The following CCDC40 variants were observed in gnomAD, a reference collection of about 807,000 sequenced individuals.
CCDC40 encodes coiled-coil domain 40 molecular ruler complex subunit.
Under a neutral mutation model 124.5 loss-of-function variants are expected in CCDC40, and 104 were observed. That is an observed-to-expected ratio of 0.84 (90% CI 0.71 to 0.98). The LOEUF (loss-of-function observed/expected upper bound fraction) is 0.98. Among genes scored for constraint, CCDC40 ranks in the 50% least tolerant of loss-of-function variants. The probability of loss-of-function intolerance (pLI) is 0.00; values close to 1 mark genes in which losing one functional copy is unlikely to be tolerated. For missense variants in CCDC40, 1,463 were observed against 1,503.9 expected, an observed-to-expected ratio of 0.97 and a Z score of 0.45; for synonymous variants, 580 against 602.9, an observed-to-expected ratio of 0.96 and a Z score of 0.56.
At chr17:80,085,708 A>G (rs1410367861) in intron 13 of CCDC40, among the ~76,000 whole-genome samples, 2 of 126,518 alleles carry the variant, frequency 1.6e-5, no homozygotes, top group African/African-American at 6.2e-5. Flanking sequence ...GTCTTGCTCT[A>G]TTGCCCAGGC....
In CCDC40 at chr17:80,086,331, A is replaced by G; in HGVS notation, c.2449+115A>G. On this transcript the variant is annotated intron_variant, in intron 14 of 19. Transcript: ENST00000397545. This position sits in a 1 kb window ranked among gnomAD's most constrained non-coding sequence, Gnocchi z 5.5. ...CGTCGCTGGATTTGCACGCAGCCTT[A>G]AAAGCAAATAACAAACGCGCATGCT... The G allele has an allele frequency of 1.2e-6, 1 of 827,668 alleles. No individual in the cohort carries two copies. Among genetic ancestry groups the G allele is most frequent in the Non-Finnish European group, 2.0e-6 (1 of 497,692 alleles). The allele number at this position is 827,668 out of a possible 1,614,324, so 51.3% of individuals were successfully genotyped here.
Position 80,066,429 on chromosome 17 carries a change from C to A in CCDC40, c.1562+823C>A. 1.9e-6 allele frequency: 1 copy of A among 523,640 alleles called. No individual in the cohort carries two copies. Among genetic ancestry groups the A allele is most frequent in the Non-Finnish European group, 3.4e-6 (1 of 293,526 alleles). 32.4% of individuals were successfully genotyped at this position (523,640 alleles called of 1,614,324 possible). ...ATTTTGTTTTTAAAAGTTTTTAGAC[C>A]AAAACATTTTCAAATGAATAATATT... On this transcript the variant is annotated intron_variant, in intron 10 of 19. Transcript: ENST00000397545. The surrounding 1 kb of genome is among the most constrained non-coding windows in gnomAD (Gnocchi z 4.4).
At chr17:80,078,908 G>A (rs1228499457) in intron 10 of CCDC40, among the ~76,000 whole-genome samples, 1 of 151,462 alleles carries the variant, frequency 6.6e-6, no homozygotes, top group East Asian at 1.9e-4. Context: ...TCATGGACAT[G>A]GCAAATCTCT....
intron 17 of CCDC40, chr17:80,090,456 TGCATGAACAACAC>T: frequency 7.0e-7 from 1 of 1,421,508 alleles, no homozygotes; most frequent in Non-Finnish European, 9.3e-7. Flanking sequence ...CACAAGCACG[TGCATGAACAACAC>T]AGGACACACA....
intron 1 of CCDC40, among the ~76,000 whole-genome samples, chr17:80,037,688 A>ATATATATAT (rs1555889124): frequency 0.084 from 3,800 of 45,258 alleles, 148 homozygotes; most frequent in Non-Finnish European, 0.13. Flanking sequence ...TTTTTTAAAA[A>ATATATATAT]AGATATACAT....
chr17:80,062,244 C>T (rs572413692), intron 9 of CCDC40, among the ~76,000 whole-genome samples: 36 of 152,158 alleles, frequency 2.4e-4, no homozygotes, highest in South Asian at 2.1e-4. Flanking sequence ...CATCAGAATA[C>T]ACTACACCAA....
At chr17:80,052,554 C>G (rs1348162721) in intron 7 of CCDC40, among the ~76,000 whole-genome samples, 1 of 152,108 alleles carries the variant, frequency 6.6e-6, no homozygotes, top group Non-Finnish European at 1.5e-5. Flanking sequence ...TCAATCCAAT[C>G]AAGTTGACAC....
chr17:80,099,601 C>G lies in CCDC40; in HGVS notation c.3255C>G (p.Phe1085Leu). The G allele has an allele frequency of 6.2e-7, 1 of 1,613,772 alleles. No homozygotes were observed. The highest frequency in any genetic ancestry group is 1.1e-5 in the South Asian group (1 of 91,072). The change falls in exon 20 of 20, where the codon TTC becomes TTG. Residue 1085 changes from phenylalanine to leucine, a missense_variant. Transcript: ENST00000397545. ...CTGTGAAGGAGGGGCGCTACGTGTT[C>G]CTGTTCCGCTCCAAGCAGTCCCTAG... ...LQAVKEGRYV[F>L]LFRSKQSLVL...
chr17:80,051,745 A>G (rs9915428), intron 7 of CCDC40, among the ~76,000 whole-genome samples: 9,452 of 152,276 alleles, frequency 0.062, 918 homozygotes, highest in African/African-American at 0.21. Context: ...AAAGAGCCAC[A>G]TCCTCCAGAA....
chr17:80,066,180 G>T lies in CCDC40; in HGVS notation c.1562+574G>T, dbSNP rs781128358. ...AAAAAGCCGGGCACTGTGGTGGCAC[G>T]TGTCTCACCCGCTGAGCTTTAACTT... On this transcript the variant is annotated intron_variant, in intron 10 of 19. Transcript: ENST00000397545. This position sits in a 1 kb window ranked among gnomAD's most constrained non-coding sequence, Gnocchi z 4.4. 4.3e-6 allele frequency: 3 copies of T among 702,960 alleles called. No homozygotes were observed. The highest frequency in any genetic ancestry group is 7.8e-6 in the Non-Finnish European group (3 of 384,994). 43.5% of individuals were successfully genotyped at this position (702,960 alleles called of 1,614,324 possible).
At chr17:80,099,133 T>C (rs1386285330) in intron 19 of CCDC40, among the ~76,000 whole-genome samples, 5 of 135,766 alleles carry the variant, frequency 3.7e-5, no homozygotes, top group Non-Finnish European at 6.3e-5. Context: ...AAAAAAAAAA[T>C]ACAAAAAATT....
In CCDC40 at chr17:80,048,753, C is replaced by T; in HGVS notation, c.847C>T (p.Pro283Ser). 6.2e-7 allele frequency: 1 copy of T among 1,610,052 alleles called. No individual in the cohort carries two copies. The highest frequency in any genetic ancestry group is 1.1e-5 in the South Asian group (1 of 90,502). ...DEGSQLVVLD[P>S]DHPLMVRFQA... is the part of the protein sequence containing the mutation. ...AGGGTCCCAGCTGGTGGTTTTGGAC[C>T]CAGACCACGTAAGGAAGCCTTCCCA... The change falls in exon 5 of 20, where the codon CCA becomes TCA. Residue 283 changes from proline (P) to serine (S), a missense_variant. Coordinates refer to ENST00000397545, the MANE Select transcript of CCDC40 (RefSeq NM_017950.4).
intron 19 of CCDC40, 28 bp from the exon 20 acceptor site, chr17:80,099,499 C>T (rs776249990): frequency 1.2e-6 from 2 of 1,601,390 alleles, no homozygotes; most frequent in Admixed American, 1.7e-5. Flanking sequence ...TTTGCATAGC[C>T]CTATATGGAG....
Position 80,058,409 on chromosome 17 carries a change from C to A in CCDC40, c.1160-85C>A. On this transcript the variant is annotated intron_variant, in intron 7 of 19. Coordinates refer to ENST00000397545, the MANE Select transcript of CCDC40 (RefSeq NM_017950.4). This position sits in a 1 kb window ranked among gnomAD's most constrained non-coding sequence, Gnocchi z 4.2. The stretch of plus-strand genomic sequence containing the variant: ...GGGTGCCCAGAACGGCTGTTCCCTG[C>A]TTCCTCCTGGGTCTCTGCATGGGGG... 2 of 1,317,320 alleles carry A rather than the reference C, an allele frequency of 1.5e-6. No individual in the cohort carries two copies. Among genetic ancestry groups the A allele is most frequent in the Non-Finnish European group, 2.2e-6 (2 of 921,348 alleles). The allele number at this position is 1,317,320 out of a possible 1,614,324, so 81.6% of individuals were successfully genotyped here.
intron 12 of CCDC40, among the ~76,000 whole-genome samples, chr17:80,082,371 G>A (rs1009788419): frequency 3.3e-5 from 5 of 150,636 alleles, no homozygotes; most frequent in African/African-American, 1.2e-4. Flanking sequence ...CATCCCCTGG[G>A]ATCTTGCTTT....
At chr17:80,090,920 A>C (rs539835178) in intron 17 of CCDC40, 36 of 637,900 alleles carry the variant, frequency 5.6e-5, no homozygotes, top group Non-Finnish European at 7.0e-5. Context: ...TTCATATTAC[A>C]GAAGCCACAT....
chr17:80,048,963 T>A (rs755525944), intron 5 of CCDC40, among the ~76,000 whole-genome samples: 3 of 152,186 alleles, frequency 2.0e-5, no homozygotes. Context: ...GTGAGGCCTG[T>A]GTTTCTCAAC....
At chr17:80,090,084 A>C (rs1332360894) in intron 17 of CCDC40, 200 bp downstream of exon 17, 12 of 1,536,630 alleles carry the variant, frequency 7.8e-6, no homozygotes, top group Non-Finnish European at 1.0e-5. Flanking sequence ...AGCACTGGCA[A>C]AGCGCACGTC....
At chr17:80,057,466 C>T (rs982555419) in intron 7 of CCDC40, among the ~76,000 whole-genome samples, 4 of 152,162 alleles carry the variant, frequency 2.6e-5, no homozygotes, top group Admixed American at 6.5e-5. Flanking sequence ...AGCCTTTTGG[C>T]CTGTAATTCA....
Sources: allele counts gnomAD v4.1 joint callset (sites outside exome capture counted in the v4.1 genomes callset), GRCh38; gene constraint gnomAD v4.1.1; non-coding constraint Gnocchi (gnomAD v3.1); transcripts MANE v1.5; gene names NCBI Gene and HGNC (gene_info 2026-07-23, HGNC 2026-07-21).